Variants in TNS3 observed in about 807,000 individuals in gnomAD.
TNS3 encodes tensin 3.
A neutral mutation model predicts 140.9 loss-of-function variants in TNS3; 45 were observed. That is an observed-to-expected ratio of 0.32 (90% CI 0.25 to 0.41). The LOEUF (loss-of-function observed/expected upper bound fraction) is 0.41, where lower values mean the gene tolerates loss of function less well. Among genes scored for constraint, TNS3 ranks in the 10% least tolerant of loss-of-function variants. TNS3 has a pLI of 1.00. For synonymous variants in TNS3, 815 were observed against 788.4 expected (o/e 1.03, Z -0.56); for missense variants, 1,716 against 1,906.7 (o/e 0.90, Z 1.86).
chr7:47,398,496 C>A (rs895717468), intron 15 of TNS3, among the ~76,000 whole-genome samples: 1 of 152,058 alleles, frequency 6.6e-6, no homozygotes, highest in African/African-American at 2.4e-5. Context: ...GGATTTCATC[C>A]CAGGAAGCAG....
intron 16 of TNS3, among the ~76,000 whole-genome samples, chr7:47,395,708 A>C (rs1792790463): frequency 2.0e-5 from 3 of 152,218 alleles, no homozygotes; most frequent in African/African-American, 4.8e-5. Flanking sequence ...GGCCAGAGCA[A>C]AGCTCTCCCC....
chr7:47,335,558 CCCAGGGCTCAGCCACCCAGGG>C (rs1788586222), intron 20 of TNS3, among the ~76,000 whole-genome samples: 1 of 152,218 alleles, frequency 6.6e-6, no homozygotes, highest in African/African-American at 2.4e-5. Flanking sequence ...AAGCAGGATT[CCCAGGGCTCAGCCACCCAGGG>C]CCAGATGCCC....
Position 47,452,901 on chromosome 7 carries a change from G to A in TNS3, c.-75-10846C>T, listed in dbSNP as rs990429165. ...CAAAGTGCCCAGTGCCAGCCCAGCC[G>A]AGAGGCGGCACGTGGGGAGTTGGGA... On this transcript the variant is annotated intron_variant, in intron 4 of 30. Transcript: ENST00000311160. The A allele has an allele frequency of 1.7e-5, 17 of 985,344 alleles. No homozygotes were observed. The Admixed American group carries it at 1.8e-4, about 11-fold the overall frequency. The allele number at this position is 985,344 out of a possible 1,614,324, so 61.0% of individuals were successfully genotyped here.
intron 1 of TNS3, among the ~76,000 whole-genome samples, chr7:47,556,532 A>C (rs888004134): frequency 6.6e-6 from 1 of 152,124 alleles, no homozygotes; most frequent in African/African-American, 2.4e-5. Flanking sequence ...AGGGCCCCAC[A>C]TCCCTTAGGC....
chr7:47,472,347 T>C (rs187520068), intron 4 of TNS3, among the ~76,000 whole-genome samples: 73 of 152,304 alleles, frequency 4.8e-4, no homozygotes, highest in African/African-American at 1.3e-3. Context: ...GAGGCCCCAC[T>C]GCATGTTCCA....
At chr7:47,282,014 C>G (rs1188160873) in intron 28 of TNS3, among the ~76,000 whole-genome samples, 2 of 151,514 alleles carry the variant, frequency 1.3e-5, no homozygotes, top group African/African-American at 4.9e-5. Context: ...CTGGCCATGC[C>G]CTGAGCCTGA....
At chr7:47,413,614 C>T (rs550244561) in intron 12 of TNS3, among the ~76,000 whole-genome samples, 3 of 151,774 alleles carry the variant, frequency 2.0e-5, no homozygotes, top group African/African-American at 7.3e-5. Context: ...AATCAATACC[C>T]CTTGAAAACC....
chr7:47,396,509 T>G (rs1792839430), intron 16 of TNS3: 1 of 411,474 alleles, frequency 2.4e-6, no homozygotes, highest in Non-Finnish European at 4.4e-6. Flanking sequence ...GTCCCTGGCA[T>G]TATACATACA....
At chr7:47,322,671 T>C (rs982331052) in intron 20 of TNS3, among the ~76,000 whole-genome samples, 4 of 151,952 alleles carry the variant, frequency 2.6e-5, no homozygotes, top group Admixed American at 2.0e-4. Flanking sequence ...ATGACGAACA[T>C]AAAACTGAGG....
chr7:47,568,966 G>T (rs1336872691), intron 1 of TNS3, among the ~76,000 whole-genome samples: 1 of 152,234 alleles, frequency 6.6e-6, no homozygotes. Flanking sequence ...AGTATTCACA[G>T]CGTGGCTGCC....
Position 47,291,977 on chromosome 7 carries a change from AGCTGCTGAATTG to A in TNS3, c.3894_3905del (p.Asn1299_Ala1302del). ...GACCTGCCCCCTGCTTCAACAGCTCAGCTGCTGAATTGGCTGCCGTCTGGGGAGAACTTTCTG... is the reference window on the plus strand; with the variant it reads ...GACCTGCCCCCTGCTTCAACAGCTCAGCTGCCGTCTGGGGAGAACTTTCTG... On this transcript the variant is annotated inframe_deletion, in exon 27 of 31. Coordinates refer to ENST00000311160, the MANE Select transcript of TNS3 (RefSeq NM_022748.12). 6.2e-7 allele frequency: 1 copy of A among 1,614,170 alleles called. No individual in the cohort carries two copies.
chr7:47,289,705 A>G (rs989879163), intron 27 of TNS3, among the ~76,000 whole-genome samples: 1 of 152,266 alleles, frequency 6.6e-6, no homozygotes, highest in Non-Finnish European at 1.5e-5. Context: ...GACAAGATCT[A>G]TATGAGGAAC....
chr7:47,453,275 A>ACAT, intron 4 of TNS3: 1 of 984,794 alleles, frequency 1.0e-6, no homozygotes, highest in East Asian at 1.1e-4. Flanking sequence ...AGGAACAAGA[A>ACAT]CAGCGCTCTC....
At chr7:47,419,148 A>G (rs1794239268) in intron 10 of TNS3, among the ~76,000 whole-genome samples, 1 of 152,250 alleles carries the variant, frequency 6.6e-6, no homozygotes, top group Admixed American at 6.5e-5. Context: ...AGTCAGTTGC[A>G]TGGACATAAG....
At chr7:47,364,909 G>A (rs1302829648) in intron 17 of TNS3, among the ~76,000 whole-genome samples, 2 of 152,122 alleles carry the variant, frequency 1.3e-5, no homozygotes, top group Non-Finnish European at 2.9e-5. Flanking sequence ...AACCAGTTTT[G>A]CTTATACCTA....
chr7:47,379,324 T>C (rs1159262901), intron 16 of TNS3, among the ~76,000 whole-genome samples: 1 of 152,236 alleles, frequency 6.6e-6, no homozygotes. Flanking sequence ...GTTTTTTCCA[T>C]GTGGACATTT....
At chr7:47,457,750 A>G (rs543999002) in intron 4 of TNS3, among the ~76,000 whole-genome samples, 178 of 152,306 alleles carry the variant, frequency 1.2e-3, no homozygotes, top group African/African-American at 3.9e-3. Flanking sequence ...AGAGCGTATT[A>G]CAGTTGAAGG....
intron 8 of TNS3, among the ~76,000 whole-genome samples, chr7:47,434,477 G>A (rs886974424): frequency 6.6e-6 from 1 of 152,132 alleles, no homozygotes; most frequent in Admixed American, 6.5e-5. Flanking sequence ...CTGACTCAAG[G>A]TGTGACTGGA....
intron 15 of TNS3, among the ~76,000 whole-genome samples, chr7:47,398,357 C>CAAAA (rs1175259084): frequency 7.0e-6 from 1 of 142,828 alleles, no homozygotes; most frequent in Non-Finnish European, 1.6e-5. Flanking sequence ...AAGAATATAA[C>CAAAA]AAACAAACAA....
Sources: gnomAD v4.1 joint callset for allele counts (sites outside exome capture counted in the v4.1 genomes callset) on GRCh38, gnomAD v4.1.1 for gene constraint, MANE v1.5 for transcripts, NCBI Gene and HGNC (gene_info 2026-07-23, HGNC 2026-07-21) for gene names.